Variants in PNLIPRP3 observed in about 807,000 individuals in gnomAD.
The protein encoded by PNLIPRP3 is pancreatic lipase related protein 3, also known as pancreatic lipase-related protein 3.
In PNLIPRP3, 58 loss-of-function variants were observed where a neutral mutation model predicts 52.8. That is an observed-to-expected ratio of 1.10 (90% CI 0.89 to 1.37). PNLIPRP3 has a LOEUF of 1.37. PNLIPRP3 is among the 40% of genes most tolerant of loss of function. The pLI, the probability that PNLIPRP3 is intolerant of heterozygous loss-of-function variation, is 0.00. For missense variants in PNLIPRP3, 593 were observed against 561.6 expected, an observed-to-expected ratio of 1.06 and a Z score of -0.57; for synonymous variants, 192 against 185.0, an observed-to-expected ratio of 1.04 and a Z score of -0.31.
chr10:116,449,733 A>T (rs1846008316), intron 4 of PNLIPRP3, among the ~76,000 whole-genome samples: 1 of 152,190 alleles, frequency 6.6e-6, no homozygotes. Context: ...AACTTCAGCA[A>T]CACTATAGAC....
intron 4 of PNLIPRP3, among the ~76,000 whole-genome samples, chr10:116,448,831 C>T (rs896349820): frequency 1.2e-4 from 18 of 152,050 alleles, no homozygotes; most frequent in African/African-American, 3.1e-4. Flanking sequence ...GCCTGGCCAA[C>T]GTGGTGAAAT....
At chr10:116,469,049 C>A in intron 8 of PNLIPRP3, 136 bp from the exon 9 acceptor site, 1 of 830,970 alleles carries the variant, frequency 1.2e-6, no homozygotes, top group Non-Finnish European at 1.7e-6. Context: ...ACATGGTGGC[C>A]TGTTAGGCAC....
intron 4 of PNLIPRP3, among the ~76,000 whole-genome samples, chr10:116,447,187 G>A (rs1459191866): frequency 6.6e-6 from 1 of 152,168 alleles, no homozygotes; most frequent in Non-Finnish European, 1.5e-5. Flanking sequence ...CTGAGAGACT[G>A]ATTTCTGTCT....
intron 1 of PNLIPRP3, among the ~76,000 whole-genome samples, chr10:116,432,886 G>C (rs570035684): frequency 6.6e-6 from 1 of 151,760 alleles, no homozygotes; most frequent in Non-Finnish European, 1.5e-5. Flanking sequence ...AGGTCGAGGC[G>C]GGCGGATCAC....
chr10:116,439,586 C>A, intron 2 of PNLIPRP3: 1 of 805,132 alleles, frequency 1.2e-6, no homozygotes, highest in East Asian at 2.4e-5. Flanking sequence ...CAGCAACATC[C>A]TTCTCATACT....
intron 10 of PNLIPRP3, among the ~76,000 whole-genome samples, chr10:116,475,065 A>C (rs1329042927): frequency 6.6e-6 from 1 of 152,250 alleles, no homozygotes; most frequent in Non-Finnish European, 1.5e-5. Context: ...TGGATAAAGA[A>C]AATGTGGTAC....
At chr10:116,437,494 G>A (rs957984493) in intron 2 of PNLIPRP3, among the ~76,000 whole-genome samples, 2 of 152,174 alleles carry the variant, frequency 1.3e-5, no homozygotes, top group African/African-American at 4.8e-5. Flanking sequence ...GATGAATGAC[G>A]TGTTGGGTTA....
At chr10:116,438,153 T>C (rs1845805019) in intron 2 of PNLIPRP3, among the ~76,000 whole-genome samples, 1 of 152,098 alleles carries the variant, frequency 6.6e-6, no homozygotes, top group Non-Finnish European at 1.5e-5. Flanking sequence ...GTTGGAGATG[T>C]TAGTCTAACA....
chr10:116,437,130 A>G (rs1260629287), intron 2 of PNLIPRP3, among the ~76,000 whole-genome samples: 1 of 151,298 alleles, frequency 6.6e-6, no homozygotes, highest in Non-Finnish European at 1.5e-5. Flanking sequence ...CAATGTACCA[A>G]CTGAGAACCT....
chr10:116,428,994 T>C lies in PNLIPRP3; in HGVS notation c.49+933T>C, dbSNP rs567077173. ...ACTTAACCTTTCTAAGCCCAGATGATTGATCTGTAGAAACAGGACAGTAAC... is the reference window on the plus strand; with the variant it reads ...ACTTAACCTTTCTAAGCCCAGATGACTGATCTGTAGAAACAGGACAGTAAC... On this transcript the variant is annotated intron_variant, in intron 1 of 11. Coordinates refer to ENST00000369230, the MANE Select transcript of PNLIPRP3 (RefSeq NM_001011709.3). 4.6e-5 allele frequency among the ~76,000 whole-genome samples: 7 copies of C among 152,188 alleles called. No individual in the cohort carries two copies. In the South Asian group the frequency reaches 1.5e-3, roughly 32 times the overall value.
At chr10:116,472,132 T>C (rs968547404) in intron 10 of PNLIPRP3, among the ~76,000 whole-genome samples, 18 of 152,150 alleles carry the variant, frequency 1.2e-4, no homozygotes. Context: ...ATCTAGATAA[T>C]AGAGCAAGTG....
chr10:116,459,286 A>T (rs1250420050), intron 5 of PNLIPRP3, among the ~76,000 whole-genome samples: 2 of 151,872 alleles, frequency 1.3e-5, no homozygotes, highest in African/African-American at 2.4e-5. Flanking sequence ...AAAAATAAAA[A>T]AAAAAAAAAA....
chr10:116,437,812 C>T (rs1845798364), intron 2 of PNLIPRP3, among the ~76,000 whole-genome samples: 1 of 152,154 alleles, frequency 6.6e-6, no homozygotes, highest in African/African-American at 2.4e-5. Context: ...TCATCAGCCA[C>T]ACCAGCCACA....
chr10:116,451,272 C>A (rs1846033689), intron 4 of PNLIPRP3, among the ~76,000 whole-genome samples: 1 of 152,038 alleles, frequency 6.6e-6, no homozygotes, highest in South Asian at 2.1e-4. Flanking sequence ...CACACACACA[C>A]AAATCAATTT....
rs116874008 is a variant in PNLIPRP3, at chr10:116,471,299, G to T, written c.1061-469G>T. On this transcript the variant is annotated intron_variant, in intron 9 of 11. Transcript: ENST00000369230. ...AGCACATATCCCTGCAGGAGAAGAA[G>T]AATGACTCACTTTGCCTCTAAATGA... Among the ~76,000 whole-genome samples, 211 of 152,260 alleles carry T rather than the reference G, an allele frequency of 1.4e-3. 7 individuals are homozygous for T. The East Asian group carries it at 0.034, about 24-fold the overall frequency.
chr10:116,448,078 G>C (rs1036430078), intron 4 of PNLIPRP3, among the ~76,000 whole-genome samples: 1 of 151,132 alleles, frequency 6.6e-6, no homozygotes, highest in South Asian at 2.1e-4. Context: ...AAAGAAAGAG[G>C]GAAAGTATGT....
At chr10:116,446,279 G>C (rs989545431) in intron 4 of PNLIPRP3, among the ~76,000 whole-genome samples, 3 of 150,920 alleles carry the variant, frequency 2.0e-5, no homozygotes, top group African/African-American at 7.3e-5. Flanking sequence ...CCGGGAGGCG[G>C]AGCTTGCAGT....
rs1846482785 is a variant in PNLIPRP3 at position 116,477,104 on chromosome 10, G to C, written c.1355G>C (p.Ser452Thr). The change falls in exon 12 of 12, where the codon AGC becomes ACC. Residue 452 changes from serine to threonine, a missense_variant. Coordinates refer to ENST00000369230, the MANE Select transcript of PNLIPRP3 (RefSeq NM_001011709.3). ...GKYGYKSTFC[S>T]QDIMGPNILQ... ...AAAACTTTCAGATCTACCTTCTGTA[G>C]CCAAGACATTATGGGACCTAATATT... The C allele has an allele frequency of 6.3e-7, 1 of 1,594,772 alleles. No individual in the cohort carries two copies. The highest frequency in any genetic ancestry group is 1.3e-5 in the African/African-American group (1 of 74,214).
chr10:116,429,044 C>T (rs1845673648), intron 1 of PNLIPRP3, among the ~76,000 whole-genome samples: 1 of 151,000 alleles, frequency 6.6e-6, no homozygotes, highest in Non-Finnish European at 1.5e-5. Flanking sequence ...AGGGTTGTGC[C>T]AATTAAATAA....
Sources: allele counts gnomAD v4.1 joint callset (sites outside exome capture counted in the v4.1 genomes callset), GRCh38; gene constraint gnomAD v4.1.1; transcripts MANE v1.5; gene names NCBI Gene and HGNC (gene_info 2026-07-23, HGNC 2026-07-21).